The following PLEKHA6 variants were observed in gnomAD, a reference collection of about 807,000 sequenced individuals.
PLEKHA6 encodes pleckstrin homology domain containing A6, also known as pleckstrin homology domain-containing family A member 6.
Under a neutral mutation model 116.7 loss-of-function variants are expected in PLEKHA6, and 60 were observed. The observed-to-expected ratio is 0.51, with a 90% CI of 0.42 to 0.64. The LOEUF (loss-of-function observed/expected upper bound fraction) is 0.64, where lower values mean the gene tolerates loss of function less well. PLEKHA6 is among the 30% of genes least tolerant of loss of function. The pLI is 0.00. For missense variants in PLEKHA6, 1,338 were observed against 1,422.7 expected (o/e 0.94, Z 0.96); for synonymous variants, 489 against 556.1 (o/e 0.88, Z 1.70).
At chr1:204,317,169 G>C in intron 1 of PLEKHA6, 1 of 807,278 alleles carries the variant, frequency 1.2e-6, no homozygotes, top group Non-Finnish European at 1.5e-6. Flanking sequence ...AAATGTCTCA[G>C]AAAGTTAAAC....
Position 204,259,308 on chromosome 1 carries a change from C to A in PLEKHA6, c.957G>T (p.Gln319His). ...AQRKSSMNQL[Q>H]QWVNLRRGVP... Reference sequence around the variant, plus strand: ...CCCCCCGGCGCAGATTCACCCACTGCTGAAGCTGGTTCATGGAGCTCTTGC... The same window carrying A: ...CCCCCCGGCGCAGATTCACCCACTGATGAAGCTGGTTCATGGAGCTCTTGC... Residue 319 changes from glutamine (Q) to histidine (H), a missense_variant, in exon 8 of 23, where the codon CAG becomes CAT. Around this residue, in one of 3 missense-constraint regions of PLEKHA6, gnomAD observed 1,136 missense variants for 1,163.6 expected, o/e 0.98. Transcript: ENST00000272203. The surrounding 1 kb of genome is among the most constrained non-coding windows in gnomAD (Gnocchi z 4.6). 1 of 1,614,222 alleles carries A rather than the reference C, an allele frequency of 6.2e-7. No homozygotes were observed. The highest frequency in any genetic ancestry group is 8.5e-7 in the Non-Finnish European group (1 of 1,180,048).
At chr1:204,278,505 G>A (rs970522317) in intron 1 of PLEKHA6, among the ~76,000 whole-genome samples, 12 of 152,204 alleles carry the variant, frequency 7.9e-5, no homozygotes, top group African/African-American at 2.9e-4. Flanking sequence ...TGAAAGGAAG[G>A]GGCTAATCTA....
At position 204,224,450 on chromosome 1, in the gene PLEKHA6, TCCA is replaced by T. The variant is rs551042952; in HGVS notation, c.3032-868_3032-866del. 1.3e-4 allele frequency among the ~76,000 whole-genome samples: 19 copies of T among 150,850 alleles called. No homozygotes were observed. In the East Asian group the frequency reaches 3.7e-3, roughly 29 times the overall value. On this transcript the variant is annotated intron_variant, in intron 21 of 22. Transcript: ENST00000272203. ...ACCTCAGCCAGTGTCACACTGCATTTCCACCGAGAGAGGGGACCCAAAATTGAA... is the reference window on the plus strand; with the variant it reads ...ACCTCAGCCAGTGTCACACTGCATTTCCGAGAGAGGGGACCCAAAATTGAA...
In PLEKHA6 at chr1:204,325,805, C is replaced by G. The variant is rs886970996; in HGVS notation, c.-95+33889G>C. 3 of 585,890 alleles carry G rather than the reference C, an allele frequency of 5.1e-6. No individual in the cohort carries two copies. In the Admixed American group the frequency reaches 1.9e-4, roughly 37 times the overall value. The allele number at this position is 585,890 out of a possible 1,614,324, so 36.3% of individuals were successfully genotyped here. On this transcript the variant is annotated intron_variant, in intron 1 of 22. Coordinates refer to ENST00000272203, the MANE Select transcript of PLEKHA6 (RefSeq NM_014935.5). ...TGGCGCAAGACTCTACTCTGCCTGT[C>G]CCTAAGGTCACTTAGTCCTGCAGAG... is the stretch of plus-strand genomic sequence containing the variant.
At chr1:204,250,512 A>C in intron 10 of PLEKHA6, 34 bp downstream of exon 10, 2 of 1,483,238 alleles carry the variant, frequency 1.3e-6, no homozygotes, top group Admixed American at 1.7e-5. Context: ...AGGAGGCTGG[A>C]GTGGAGGGAG....
intron 1 of PLEKHA6, among the ~76,000 whole-genome samples, chr1:204,375,843 C>T (rs1035643461): frequency 2.7e-5 from 4 of 149,418 alleles, no homozygotes; most frequent in Non-Finnish European, 5.9e-5. Context: ...TGAACCTCTC[C>T]GAGTGCTCTA....
intron 21 of PLEKHA6, among the ~76,000 whole-genome samples, chr1:204,227,829 A>G (rs1208876056): frequency 6.6e-6 from 1 of 152,090 alleles, no homozygotes; most frequent in African/African-American, 2.4e-5. Context: ...GCCTCTGGCC[A>G]TTACTCCCTA....
At chr1:204,308,681 C>CCTT (rs748543711) in intron 1 of PLEKHA6, among the ~76,000 whole-genome samples, 3 of 48,464 alleles carry the variant, frequency 6.2e-5, no homozygotes, top group Non-Finnish European at 1.5e-4. Context: ...AATTCTTTTT[C>CCTT]TTTTTCTTTT....
At chr1:204,360,042 A>G (rs1237139524), upstream of PLEKHA6, 1 of 151,978 alleles carries the variant, frequency 6.6e-6, no homozygotes, top group Non-Finnish European at 1.5e-5. Context: ...AAAAGGTTTA[A>G]CTCCATCCAC....
chr1:204,370,483 TGAG>T (rs1211392801), intron 2 of PLEKHA6, among the ~76,000 whole-genome samples: 2 of 152,236 alleles, frequency 1.3e-5, no homozygotes, highest in African/African-American at 4.8e-5. Flanking sequence ...GGTGGCGTCA[TGAG>T]GAGGATGAAT....
At position 204,244,847 on chromosome 1, in the gene PLEKHA6, T is replaced by G. The variant is rs1663414736; in HGVS notation, c.2172+17A>C. On this transcript the variant is annotated intron_variant, in intron 15 of 22. Coordinates refer to ENST00000272203, the MANE Select transcript of PLEKHA6 (RefSeq NM_014935.5). Reference sequence around the variant, plus strand: ...CCTCCCTCCCCCACCTACCTTCTACTCCATTTCTCAACTTACCTCGTTGGA... The same window carrying G: ...CCTCCCTCCCCCACCTACCTTCTACGCCATTTCTCAACTTACCTCGTTGGA... The G allele has an allele frequency of 3.2e-6, 5 of 1,553,396 alleles. No individual in the cohort carries two copies. Among genetic ancestry groups the G allele is most frequent in the Non-Finnish European group, 4.4e-6 (5 of 1,148,014 alleles).
chr1:204,241,647 C>T, intron 16 of PLEKHA6, 38 bp downstream of exon 16: 3 of 1,543,472 alleles, frequency 1.9e-6, no homozygotes, highest in East Asian at 2.3e-5. Context: ...CCTGAGCATC[C>T]TTGCCTTACT....
At position 204,223,329 on chromosome 1, in the gene PLEKHA6, T is replaced by G; in HGVS notation, c.*8+133A>C. On this transcript the variant is annotated intron_variant, in intron 22 of 22. Transcript: ENST00000272203. This position sits in a 1 kb window ranked among gnomAD's most constrained non-coding sequence, Gnocchi z 4.8. ...GATGGATGGATGAATGGATGGATAG[T>G]GGGGAGGAGCAGCACAGGGCACTGG... 1 of 659,584 alleles carries G rather than the reference T, an allele frequency of 1.5e-6. No homozygotes were observed. The allele number at this position is 659,584 out of a possible 1,614,324, so 40.9% of individuals were successfully genotyped here. A position where few individuals can be genotyped will look rare whatever the true frequency, so the allele number is the denominator to read the frequency against.
intron 7 of PLEKHA6, among the ~76,000 whole-genome samples, chr1:204,260,209 T>C (rs983628056): frequency 6.6e-6 from 1 of 152,198 alleles, no homozygotes; most frequent in Non-Finnish European, 1.5e-5. Flanking sequence ...TAGAAAGTTA[T>C]TTAACTGCCA....
At chr1:204,300,303 C>T (rs1396811522) in intron 1 of PLEKHA6, among the ~76,000 whole-genome samples, 2 of 152,096 alleles carry the variant, frequency 1.3e-5, no homozygotes, top group East Asian at 3.9e-4. Flanking sequence ...AAGACAGGTC[C>T]CCACTCAAGG....
At chr1:204,255,897 A>G (rs1665217945) in intron 9 of PLEKHA6, among the ~76,000 whole-genome samples, 1 of 152,178 alleles carries the variant, frequency 6.6e-6, no homozygotes, top group South Asian at 2.1e-4. Flanking sequence ...GAGGAGGGGC[A>G]CACGCAGACC....
chr1:204,271,030 A>C lies in PLEKHA6; in HGVS notation c.102+2596T>G, dbSNP rs530346167. ...TGGTTAGCTGCACACTACTCTCCAC[A>C]CATCTGGACAGTCCAAGCCATGGCC... On this transcript the variant is annotated intron_variant, in intron 3 of 22. Coordinates refer to ENST00000272203, the MANE Select transcript of PLEKHA6 (RefSeq NM_014935.5). Among the ~76,000 whole-genome samples the C allele has an allele frequency of 2.5e-4, 38 of 152,336 alleles. No homozygotes were observed. In the South Asian group the frequency reaches 7.2e-3, roughly 29 times the overall value.
chr1:204,286,488 A>G (rs1669191163), intron 1 of PLEKHA6, among the ~76,000 whole-genome samples: 1 of 152,168 alleles, frequency 6.6e-6, no homozygotes, highest in Admixed American at 6.5e-5. Flanking sequence ...GCCGGCCTCC[A>G]TAAGTGACAC....
At chr1:204,303,020 C>T (rs1670967975) in intron 1 of PLEKHA6, among the ~76,000 whole-genome samples, 1 of 152,210 alleles carries the variant, frequency 6.6e-6, no homozygotes, top group Non-Finnish European at 1.5e-5. Context: ...CTTTAATTTA[C>T]ACTTCTTGGA....
Sources: allele counts gnomAD v4.1 joint callset (sites outside exome capture counted in the v4.1 genomes callset), GRCh38; gene constraint gnomAD v4.1.1; regional missense constraint gnomAD v4.1.1; non-coding constraint Gnocchi (gnomAD v3.1); transcripts MANE v1.5; gene names NCBI Gene and HGNC (gene_info 2026-07-23, HGNC 2026-07-21).